SPATA3: variants seen among roughly 807,000 people sequenced by gnomAD.
SPATA3 encodes spermatogenesis-associated protein 3.
A neutral mutation model predicts 5.7 loss-of-function variants in SPATA3; 6 were observed. That is an observed-to-expected ratio of 1.06 (90% CI 0.58 to 2.09). SPATA3 has a LOEUF of 2.09. Ranked by LOEUF, SPATA3 falls within the 30% of genes most tolerant of loss-of-function variation. SPATA3 has a pLI of 0.00. For missense variants in SPATA3, 155 were observed against 130.4 expected, an observed-to-expected ratio of 1.19 and a Z score of -0.92; for synonymous variants, 44 against 48.4, an observed-to-expected ratio of 0.91 and a Z score of 0.37.
chr2:230,996,651 T>C, intron 1 of SPATA3, 117 bp downstream of exon 1: 1 of 1,307,150 alleles, frequency 7.7e-7, no homozygotes, highest in Non-Finnish European at 1.0e-6. Flanking sequence ...CCTGGAGCTG[T>C]GCTGTAGAGT....
intron 2 of SPATA3, among the ~76,000 whole-genome samples, chr2:231,001,570 C>T (rs886443336): frequency 2.6e-5 from 4 of 152,146 alleles, no homozygotes; most frequent in African/African-American, 9.7e-5. Context: ...CCAGTAAGCT[C>T]CGTCAAGGAA....
chr2:231,012,464 G>A (rs1692813702), intron 4 of SPATA3: 2 of 152,258 alleles, frequency 1.3e-5, no homozygotes, highest in African/African-American at 4.8e-5. Flanking sequence ...AATGGACTGT[G>A]TATACCATAT....
At chr2:231,010,749 G>A (rs1225843454), downstream of SPATA3, among the ~76,000 whole-genome samples, 1 of 151,980 alleles carries the variant, frequency 6.6e-6, no homozygotes, top group East Asian at 1.9e-4. Flanking sequence ...GCTGAGCTCA[G>A]ACCCTGGCTC....
At chr2:230,996,399 C>A (rs1347076508) in intron 1 of SPATA3, 1 of 1,552,184 alleles carries the variant, frequency 6.4e-7, no homozygotes, top group South Asian at 1.2e-5. Context: ...ATCCACACCA[C>A]AGCATTCCAG....
intron 2 of SPATA3, among the ~76,000 whole-genome samples, chr2:231,000,852 C>T (rs1039314730): frequency 6.6e-6 from 1 of 152,208 alleles, no homozygotes; most frequent in African/African-American, 2.4e-5. Context: ...CACTCTCCCC[C>T]TCAGCCCTTC....
At chr2:230,997,300 T>C (rs150291351) in intron 1 of SPATA3, among the ~76,000 whole-genome samples, 106 of 152,356 alleles carry the variant, frequency 7.0e-4, no homozygotes, top group East Asian at 6.4e-3. Context: ...TCTTCTCTTG[T>C]CTGCCGCCAT....
chr2:231,018,887 T>C (rs1376261682), intron 6 of SPATA3, among the ~76,000 whole-genome samples: 1 of 151,990 alleles, frequency 6.6e-6, no homozygotes, highest in Non-Finnish European at 1.5e-5. Flanking sequence ...AGTTTCACCA[T>C]GTTGGCCGGG....
At chr2:231,000,621 A>G (rs79805937) in intron 2 of SPATA3, 84 bp downstream of exon 2, 4 of 1,261,406 alleles carry the variant, frequency 3.2e-6, no homozygotes, top group Non-Finnish European at 4.2e-6. Context: ...GCAATCATGT[A>G]TCACTTCCTC....
intron 6 of SPATA3, among the ~76,000 whole-genome samples, chr2:231,019,171 A>C (rs6715949): frequency 1.3e-4 from 19 of 149,248 alleles, no homozygotes; most frequent in African/African-American, 4.7e-4. Flanking sequence ...GGGTTTCACC[A>C]TGTTAGCCAG....
At chr2:231,005,203 C>G, downstream of SPATA3, among the ~76,000 whole-genome samples, 1 of 141,552 alleles carries the variant, frequency 7.1e-6, no homozygotes, top group East Asian at 2.1e-4. Context: ...TCTTCACCAT[C>G]ACCATCATCA....
intron 2 of SPATA3, among the ~76,000 whole-genome samples, chr2:231,001,111 G>T (rs911430770): frequency 6.6e-6 from 1 of 152,204 alleles, no homozygotes; most frequent in East Asian, 1.9e-4. Flanking sequence ...CCCCCAGGCT[G>T]GTCTGTTGGT....
intron 2 of SPATA3, among the ~76,000 whole-genome samples, chr2:231,002,014 G>A (rs944148079): frequency 5.3e-5 from 8 of 152,192 alleles, no homozygotes; most frequent in Non-Finnish European, 8.8e-5. Flanking sequence ...AAAGGCAAGC[G>A]TGAGGCTCAG....
downstream of SPATA3, among the ~76,000 whole-genome samples, chr2:231,010,264 T>G (rs895912130): frequency 2.0e-5 from 3 of 152,264 alleles, no homozygotes; most frequent in African/African-American, 7.2e-5. Flanking sequence ...ATTGTCTTCA[T>G]GCTGAGTTTC....
At chr2:231,005,364 CCAT>C (rs1559197746), downstream of SPATA3, among the ~76,000 whole-genome samples, 155 of 73,814 alleles carry the variant, frequency 2.1e-3, 1 homozygote, top group African/African-American at 6.9e-3. Context: ...ACCACCACCA[CCAT>C]CATCACCACC....
At chr2:231,002,837 G>A, downstream of SPATA3, 1 of 1,259,376 alleles carries the variant, frequency 7.9e-7, no homozygotes, top group Non-Finnish European at 1.1e-6. Flanking sequence ...GGTATGTTGA[G>A]CGCTCTGTCC....
chr2:231,005,157 CCATCACCAT>C (rs199581895), downstream of SPATA3, among the ~76,000 whole-genome samples: 32,795 of 108,214 alleles, frequency 0.3, 4,399 homozygotes, highest in East Asian at 0.37. Context: ...ATCACCATCA[CCATCACCAT>C]CATCACCATC....
At chr2:231,016,328 C>G (rs888698631) in intron 6 of SPATA3, among the ~76,000 whole-genome samples, 11 of 152,048 alleles carry the variant, frequency 7.2e-5, no homozygotes, top group African/African-American at 2.4e-4. Context: ...CGGTGAAAAG[C>G]ACGGGTCATT....
chr2:231,014,541 G>A (rs1268164086), intron 6 of SPATA3, among the ~76,000 whole-genome samples: 1 of 152,160 alleles, frequency 6.6e-6, no homozygotes, highest in African/African-American at 2.4e-5. Flanking sequence ...CACTGTGTGT[G>A]TTCCTGGCTT....
intron 1 of SPATA3, chr2:230,999,448 C>T (rs191353697): frequency 1.3e-5 from 2 of 152,210 alleles, no homozygotes; most frequent in Admixed American, 1.3e-4. Flanking sequence ...TTTAGAATCC[C>T]CTCTCCTCAT....
Sources: allele counts gnomAD v4.1 joint callset (sites outside exome capture counted in the v4.1 genomes callset), GRCh38; gene constraint gnomAD v4.1.1; transcripts MANE v1.5; gene names NCBI Gene and HGNC (gene_info 2026-07-23, HGNC 2026-07-21).